The following DRICH1 variants were observed in gnomAD, a reference collection of about 807,000 sequenced individuals.
DRICH1 encodes aspartate rich 1, also known as aspartate-rich protein 1.
In DRICH1, 38 loss-of-function variants were observed where a neutral mutation model predicts 39.5. The observed-to-expected ratio is 0.96, with a 90% confidence interval of 0.74 to 1.26. The LOEUF is 1.26. DRICH1 is among the 50% of genes most tolerant of loss of function. DRICH1 has a pLI of 0.00. For missense variants in DRICH1, 279 were observed against 270.4 expected, an observed-to-expected ratio of 1.03 and a Z score of -0.22; for synonymous variants, 84 against 99.5, an observed-to-expected ratio of 0.84 and a Z score of 0.93.
At chr22:23,604,372 C>T (rs764381506), downstream of DRICH1, among the ~76,000 whole-genome samples, 4 of 152,174 alleles carry the variant, frequency 2.6e-5, no homozygotes. Flanking sequence ...GGAGACCCCT[C>T]AGGCTTTCCC....
At chr22:23,595,447 G>A in the DRICH1 span, among the ~76,000 whole-genome samples, 2 of 151,430 alleles carry the variant, frequency 1.3e-5, no homozygotes, top group Admixed American at 6.6e-5. Context: ...AGCTCTAGAG[G>A]TAGAACAGGT....
chr22:23,603,555 T>C (rs1926580574), downstream of DRICH1, among the ~76,000 whole-genome samples: 1 of 152,178 alleles, frequency 6.6e-6, no homozygotes, highest in African/African-American at 2.4e-5. Flanking sequence ...ACAAGGACCC[T>C]GTGGTCTGTC....
downstream of DRICH1, among the ~76,000 whole-genome samples, chr22:23,607,537 G>T (rs1364967540): frequency 1.4e-5 from 1 of 71,450 alleles, no homozygotes; most frequent in Non-Finnish European, 3.0e-5. Context: ...GCTGGCGGGG[G>T]CGGGGGGGGG....
chr22:23,604,652 G>A (rs1301075823), downstream of DRICH1, among the ~76,000 whole-genome samples: 1 of 152,166 alleles, frequency 6.6e-6, no homozygotes, highest in Non-Finnish European at 1.5e-5. Flanking sequence ...TTTCCTCGTG[G>A]AAGCCCTCAC....
chr22:23,601,469 CTGTATGATTCCATG>C, the DRICH1 span, among the ~76,000 whole-genome samples: 1 of 152,200 alleles, frequency 6.6e-6, no homozygotes, highest in Non-Finnish European at 1.5e-5. Context: ...AAATCACATA[CTGTATGATTCCATG>C]TGCAGAACAT....
downstream of DRICH1, among the ~76,000 whole-genome samples, chr22:23,607,621 T>A (rs1315216772): frequency 6.6e-6 from 1 of 152,064 alleles, no homozygotes; most frequent in Non-Finnish European, 1.5e-5. Flanking sequence ...TTTCTCCAAG[T>A]GTGGCCCCTG....
chr22:23,616,795 C>T (rs2123773130), intron 8 of DRICH1, 58 bp downstream of exon 8: 2 of 1,604,090 alleles, frequency 1.2e-6, no homozygotes, highest in South Asian at 1.1e-5. Context: ...TTAAGGTTTC[C>T]ATATATTAAA....
At chr22:23,582,555 C>CTTATTATTATTATTATTATTA in the DRICH1 span, among the ~76,000 whole-genome samples, 11,122 of 143,660 alleles carry the variant, frequency 0.077, 571 homozygotes, top group Non-Finnish European at 0.1. Flanking sequence ...CCTTCAGGGG[C>CTTATTATTATTATTATTATTA]TTATTATTAT....
intron 11 of DRICH1, among the ~76,000 whole-genome samples, chr22:23,612,466 C>CAAAAAAAAAAAA (rs1211963554): frequency 4.0e-5 from 1 of 24,856 alleles, no homozygotes; most frequent in Non-Finnish European, 9.5e-5. Flanking sequence ...GACTCCATCT[C>CAAAAAAAAAAAA]AAAAAAAAAA....
At chr22:23,596,787 G>C in the DRICH1 span, among the ~76,000 whole-genome samples, 3 of 152,248 alleles carry the variant, frequency 2.0e-5, no homozygotes, top group Non-Finnish European at 4.4e-5. Flanking sequence ...CTAATACATG[G>C]TATATTCCAG....
chr22:23,615,243 G>A (rs1024195467), intron 8 of DRICH1, among the ~76,000 whole-genome samples: 1 of 152,164 alleles, frequency 6.6e-6, no homozygotes, highest in African/African-American at 2.4e-5. Context: ...AGGCATGGCG[G>A]TGAGTGCCTG....
intron 1 of DRICH1, among the ~76,000 whole-genome samples, chr22:23,631,435 T>C (rs1434371663): frequency 6.6e-6 from 1 of 150,938 alleles, no homozygotes; most frequent in Non-Finnish European, 1.5e-5. Context: ...AATAAATAAA[T>C]AAATAAATAA....
chr22:23,601,038 C>T, the DRICH1 span, among the ~76,000 whole-genome samples: 6 of 152,102 alleles, frequency 3.9e-5, no homozygotes, highest in Non-Finnish European at 8.8e-5. Flanking sequence ...TTTATCCAAA[C>T]GGAATGAAAA....
At chr22:23,592,778 G>C in the DRICH1 span, among the ~76,000 whole-genome samples, 1 of 151,658 alleles carries the variant, frequency 6.6e-6, no homozygotes, top group Non-Finnish European at 1.5e-5. Context: ...GATCACCTGA[G>C]GTCAGGAGTT....
chr22:23,591,771 G>A, the DRICH1 span, among the ~76,000 whole-genome samples: 1 of 152,154 alleles, frequency 6.6e-6, no homozygotes, highest in Non-Finnish European at 1.5e-5. Flanking sequence ...AGGCGTTAAG[G>A]CGACATGAAA....
intron 3 of DRICH1, among the ~76,000 whole-genome samples, chr22:23,622,562 C>T (rs1425671845): frequency 3.3e-5 from 5 of 152,070 alleles, no homozygotes; most frequent in Non-Finnish European, 7.3e-5. Flanking sequence ...GCTGGTACTA[C>T]ATTTAGCATC....
the DRICH1 span, among the ~76,000 whole-genome samples, chr22:23,593,980 A>AAAGAAAAAAAAG: frequency 7.3e-6 from 1 of 137,160 alleles, no homozygotes; most frequent in Non-Finnish European, 1.5e-5. Context: ...TCTGTCTCAA[A>AAAGAAAAAAAAG]AAAAAAAAAA....
chr22:23,595,059 C>T, the DRICH1 span, among the ~76,000 whole-genome samples: 2 of 149,296 alleles, frequency 1.3e-5, no homozygotes, highest in Non-Finnish European at 1.5e-5. Flanking sequence ...TCTCCACCAC[C>T]CAGGTCCTCA....
intron 1 of DRICH1, among the ~76,000 whole-genome samples, chr22:23,629,034 TTTTTG>T (rs1569097524): frequency 2.1e-5 from 3 of 145,420 alleles, no homozygotes; most frequent in African/African-American, 7.6e-5. Flanking sequence ...TCTCTTTAAT[TTTTTG>T]TTTTGTTTGT....
Sources: gnomAD v4.1 joint callset for allele counts (sites outside exome capture counted in the v4.1 genomes callset) on GRCh38, gnomAD v4.1.1 for gene constraint, MANE v1.5 for transcripts, NCBI Gene and HGNC (gene_info 2026-07-23, HGNC 2026-07-21) for gene names.